The following GALNTL5 variants were observed in gnomAD, a reference collection of about 807,000 sequenced individuals.
GALNTL5 encodes the protein inactive polypeptide N-acetylgalactosaminyltransferase-like protein 5.
In GALNTL5, 44 loss-of-function variants were observed where a neutral mutation model predicts 51.0. That is an observed-to-expected ratio of 0.86 (90% CI 0.68 to 1.11). The LOEUF (loss-of-function observed/expected upper bound fraction) is 1.11, where lower values mean the gene tolerates loss of function less well. GALNTL5 is among the 50% of genes least tolerant of loss of function. The pLI, the probability that GALNTL5 is intolerant of heterozygous loss-of-function variation, is 0.00. For synonymous variants in GALNTL5, 192 were observed against 182.8 expected, an observed-to-expected ratio of 1.05 and a Z score of -0.41; for missense variants, 528 against 531.8, an observed-to-expected ratio of 0.99 and a Z score of 0.07.
chr7:152,001,386 A>G (rs955726892), intron 5 of GALNTL5, among the ~76,000 whole-genome samples: 1 of 152,028 alleles, frequency 6.6e-6, no homozygotes, highest in Non-Finnish European at 1.5e-5. Context: ...TCTGAGTTTT[A>G]TAATTTTAGC....
chr7:151,993,846 C>G lies in GALNTL5; in HGVS notation c.658+6565C>G, dbSNP rs1040885191. Among the ~76,000 whole-genome samples, 5 of 152,086 alleles carry G rather than the reference C, an allele frequency of 3.3e-5. No homozygotes were observed. The South Asian group carries it at 1.0e-3, about 32-fold the overall frequency. ...TCCTGCCCAGGCTGGTCTCAAACTC[C>G]TGGTCTCAAGCAATATTCTCCCATC... On this transcript the variant is annotated intron_variant, in intron 5 of 8. Coordinates refer to ENST00000392800, the MANE Select transcript of GALNTL5 (RefSeq NM_145292.4).
chr7:152,012,249 T>C (rs1199831830), intron 7 of GALNTL5, among the ~76,000 whole-genome samples: 2 of 152,214 alleles, frequency 1.3e-5, no homozygotes, highest in Non-Finnish European at 2.9e-5. Flanking sequence ...GACTGAGCTG[T>C]TTATTGAACA....
chr7:151,967,448 G>T lies in GALNTL5; in HGVS notation c.202G>T (p.Val68Leu). 1 of 1,613,962 alleles carries T rather than the reference G, an allele frequency of 6.2e-7. No individual in the cohort carries two copies. The highest frequency in any genetic ancestry group is 8.5e-7 in the Non-Finnish European group (1 of 1,179,870). ...YGSEQIPKPH[V>L]IVKRTDEDKA... ...CTCAGAGCAAATACCAAAACCTCAT[G>T]TAATAGTCAAAAGGACTGATGAAGA... The change falls in exon 2 of 9, where the codon GTA (valine) becomes TTA (leucine). Residue 68 changes from valine (V) to leucine (L), a missense_variant. By Grantham distance (32) the Val-to-Leu change is conservative. Coordinates refer to ENST00000392800, the MANE Select transcript of GALNTL5 (RefSeq NM_145292.4).
At chr7:151,986,680 A>G (rs1339601897) in intron 4 of GALNTL5, among the ~76,000 whole-genome samples, 1 of 152,098 alleles carries the variant, frequency 6.6e-6, no homozygotes, top group African/African-American at 2.4e-5. Flanking sequence ...TGATTTTGAT[A>G]ATGAATCACT....
chr7:151,980,364 G>A (rs1158429926), intron 3 of GALNTL5, among the ~76,000 whole-genome samples: 3 of 152,164 alleles, frequency 2.0e-5, no homozygotes, highest in Admixed American at 6.5e-5. Context: ...GATGACAGGC[G>A]TGAGCCATTT....
At chr7:151,989,820 A>T (rs116412455) in intron 5 of GALNTL5, among the ~76,000 whole-genome samples, 15 of 152,232 alleles carry the variant, frequency 9.9e-5, no homozygotes, top group African/African-American at 3.1e-4. Flanking sequence ...CCAGCCATCA[A>T]ATTTTTTCAT....
intron 1 of GALNTL5, among the ~76,000 whole-genome samples, chr7:151,966,727 A>T (rs1010062243): frequency 2.6e-5 from 4 of 152,220 alleles, no homozygotes; most frequent in Admixed American, 2.6e-4. Context: ...TATCTTCAAC[A>T]TGACTAGATA....
At chr7:151,963,465 T>G (rs2081017658) in intron 1 of GALNTL5, among the ~76,000 whole-genome samples, 1 of 152,240 alleles carries the variant, frequency 6.6e-6, no homozygotes. Context: ...TGGCACAATC[T>G]AGGCTCACTG....
In GALNTL5 at chr7:152,002,930, T is replaced by C. The variant is rs201570532; in HGVS notation, c.875T>C (p.Met292Thr). Residue 292 changes from methionine to threonine, a missense_variant, in exon 6 of 9, where the codon ATG (methionine) becomes ACG (threonine). Met to Thr is a moderately conservative substitution (Grantham distance 81). Transcript: ENST00000392800. ...FKWDNVFSYE[M>T]DGPEGSTKPI... Reference sequence around the variant, plus strand: ...TGGGATAATGTTTTCTCTTATGAGATGGATGGACCAGAAGGATCTACTAAA... The same window carrying C: ...TGGGATAATGTTTTCTCTTATGAGACGGATGGACCAGAAGGATCTACTAAA... The C allele has an allele frequency of 3.1e-6, 5 of 1,614,072 alleles. No homozygotes were observed. The highest frequency in any genetic ancestry group is 1.6e-4 in the Middle Eastern group (1 of 6,062).
chr7:151,991,542 G>A (rs958108483), intron 5 of GALNTL5, among the ~76,000 whole-genome samples: 1 of 152,042 alleles, frequency 6.6e-6, no homozygotes, highest in African/African-American at 2.4e-5. Flanking sequence ...TTCCCACACC[G>A]TTCATTGAAT....
At chr7:152,010,945 T>C (rs1320443826) in intron 7 of GALNTL5, among the ~76,000 whole-genome samples, 1 of 152,174 alleles carries the variant, frequency 6.6e-6, no homozygotes, top group East Asian at 1.9e-4. Context: ...TAACAAGTTC[T>C]TATATCTGAC....
chr7:151,962,121 G>A (rs1291947483), intron 1 of GALNTL5, among the ~76,000 whole-genome samples: 1 of 151,256 alleles, frequency 6.6e-6, no homozygotes, highest in African/African-American at 2.4e-5. Context: ...TCCTGCCTCA[G>A]CCTCCTGAGT....
rs144138398 is a variant in GALNTL5, at chr7:151,958,936, TG to T, written c.-40+2331del. Among the ~76,000 whole-genome samples, 687 of 152,290 alleles carry T rather than the reference TG, an allele frequency of 4.5e-3. 2 individuals carry two copies. The highest frequency in any genetic ancestry group is 0.015 in the African/African-American group (623 of 41,564). Reference sequence around the variant, plus strand: ...GATAGTCCCAACATGGGGCTGAGTCTGGGGTTTTCATGGGCTCAGAATGGGG... The same window carrying T: ...GATAGTCCCAACATGGGGCTGAGTCTGGGTTTTCATGGGCTCAGAATGGGG... On this transcript the variant is annotated intron_variant, in intron 1 of 8. Transcript: ENST00000392800.
chr7:151,976,700 G>A (rs1462051760), intron 3 of GALNTL5, among the ~76,000 whole-genome samples: 3 of 152,042 alleles, frequency 2.0e-5, no homozygotes, highest in South Asian at 4.1e-4. Flanking sequence ...ATGGAATCTC[G>A]CTCTGTCGCC....
intron 6 of GALNTL5, among the ~76,000 whole-genome samples, chr7:152,003,529 G>T (rs778953701): frequency 7.8e-4 from 119 of 152,286 alleles, no homozygotes; most frequent in Non-Finnish European, 1.3e-3. Context: ...TCGTTGAGGG[G>T]ATTAAATGAG....
intron 3 of GALNTL5, among the ~76,000 whole-genome samples, chr7:151,977,661 T>A (rs2151943880): frequency 6.6e-6 from 1 of 152,316 alleles, no homozygotes; most frequent in East Asian, 1.9e-4. Flanking sequence ...AATATGATAA[T>A]CACCTATTAT....
intron 7 of GALNTL5, among the ~76,000 whole-genome samples, chr7:152,012,728 A>C (rs2081753432): frequency 6.6e-6 from 1 of 152,222 alleles, no homozygotes; most frequent in South Asian, 2.1e-4. Context: ...GCACTTTGGG[A>C]GGCCAAGGTG....
At chr7:151,965,106 G>C (rs1273719259) in intron 1 of GALNTL5, among the ~76,000 whole-genome samples, 1 of 152,154 alleles carries the variant, frequency 6.6e-6, no homozygotes, top group African/African-American at 2.4e-5. Context: ...GGCAAAGAGA[G>C]CTGACTATTC....
chr7:152,001,209 G>A (rs1333784212), intron 5 of GALNTL5, among the ~76,000 whole-genome samples: 1 of 115,312 alleles, frequency 8.7e-6, no homozygotes. Context: ...CACCGCACCA[G>A]CCATTTTTTT....
Sources: allele counts gnomAD v4.1 joint callset (sites outside exome capture counted in the v4.1 genomes callset), GRCh38; gene constraint gnomAD v4.1.1; transcripts MANE v1.5; gene names NCBI Gene and HGNC (gene_info 2026-07-23, HGNC 2026-07-21).